RIMS1: variants seen among roughly 807,000 people sequenced by gnomAD.
The protein encoded by RIMS1 is regulating synaptic membrane exocytosis 1.
A neutral mutation model predicts 214.1 loss-of-function variants in RIMS1; 83 were observed. That is an observed-to-expected ratio of 0.39 (90% CI 0.32 to 0.47). The LOEUF (loss-of-function observed/expected upper bound fraction) is 0.47. RIMS1 is among the 20% of genes least tolerant of loss of function. The probability of loss-of-function intolerance (pLI) is 0.99; values close to 1 mark genes in which losing one functional copy is unlikely to be tolerated. For missense variants in RIMS1, 2,050 were observed against 2,161.8 expected (o/e 0.95, Z 1.03); for synonymous variants, 793 against 786.8 (o/e 1.01, Z -0.13).
intron 1 of RIMS1, among the ~76,000 whole-genome samples, chr6:71,939,213 A>G (rs1381820144): frequency 6.6e-6 from 1 of 152,220 alleles, no homozygotes; most frequent in Non-Finnish European, 1.5e-5. Context: ...GCGATGTCAT[A>G]AGAATGGCCT....
At chr6:72,168,193 G>T (rs2046534495) in intron 4 of RIMS1, among the ~76,000 whole-genome samples, 1 of 152,184 alleles carries the variant, frequency 6.6e-6, no homozygotes, top group Non-Finnish European at 1.5e-5. Flanking sequence ...GGTGTTAGCA[G>T]TGGCAAATCC....
chr6:71,999,958 T>C (rs891429536), intron 2 of RIMS1, among the ~76,000 whole-genome samples: 3 of 152,172 alleles, frequency 2.0e-5, no homozygotes, highest in South Asian at 2.1e-4. Context: ...ACACTTTAGA[T>C]TGAAATACTC....
intron 4 of RIMS1, among the ~76,000 whole-genome samples, chr6:72,177,472 G>A (rs912612901): frequency 1.3e-5 from 2 of 152,008 alleles, no homozygotes; most frequent in Non-Finnish European, 2.9e-5. Context: ...GACTGATCTC[G>A]AACTCCTGAC....
intron 4 of RIMS1, among the ~76,000 whole-genome samples, chr6:72,161,831 G>A (rs1372368362): frequency 7.1e-6 from 1 of 140,798 alleles, no homozygotes; most frequent in African/African-American, 2.5e-5. Flanking sequence ...TTTGGAATAA[G>A]TGTGATGTGG....
At chr6:72,075,215 A>G (rs897449354) in intron 2 of RIMS1, among the ~76,000 whole-genome samples, 1 of 152,126 alleles carries the variant, frequency 6.6e-6, no homozygotes, top group African/African-American at 2.4e-5. Flanking sequence ...CCAAGTAGCT[A>G]GGACCGCAGG....
intron 6 of RIMS1, among the ~76,000 whole-genome samples, chr6:72,204,696 A>G (rs1471740377): frequency 2.0e-5 from 3 of 152,220 alleles, no homozygotes; most frequent in African/African-American, 7.2e-5. Context: ...CTACATTTAT[A>G]TATTGTTTTA....
At chr6:72,092,242 A>C (rs946993571) in intron 2 of RIMS1, among the ~76,000 whole-genome samples, 2 of 149,190 alleles carry the variant, frequency 1.3e-5, no homozygotes, top group African/African-American at 4.9e-5. Context: ...AGGAGTGAGG[A>C]ATGCCCTCTC....
intron 6 of RIMS1, among the ~76,000 whole-genome samples, chr6:72,221,715 C>G (rs1210055763): frequency 6.6e-6 from 1 of 151,690 alleles, no homozygotes; most frequent in Admixed American, 6.6e-5. Flanking sequence ...TTATAGTATA[C>G]CTGTATATAA....
intron 29 of RIMS1, among the ~76,000 whole-genome samples, chr6:72,384,940 G>A (rs1055722818): frequency 2.6e-5 from 4 of 152,108 alleles, no homozygotes; most frequent in African/African-American, 9.7e-5. Context: ...CTCTAAATAA[G>A]CAAAGAGAGA....
intron 4 of RIMS1, among the ~76,000 whole-genome samples, chr6:72,120,324 T>C (rs1048219969): frequency 6.6e-6 from 1 of 151,892 alleles, no homozygotes; most frequent in Non-Finnish European, 1.5e-5. Context: ...TGTTGTTTCC[T>C]GACTTTTTAA....
At chr6:72,129,834 G>A (rs1259271763) in intron 4 of RIMS1, among the ~76,000 whole-genome samples, 2 of 151,978 alleles carry the variant, frequency 1.3e-5, no homozygotes, top group Non-Finnish European at 2.9e-5. Flanking sequence ...AAATGGTCTC[G>A]AGAAACATAC....
At position 71,965,482 on chromosome 6, in the gene RIMS1, A is replaced by G. The variant is rs1363499363; in HGVS notation, c.165-3501A>G. On this transcript the variant is annotated intron_variant, in intron 1 of 33. Transcript: ENST00000521978. The stretch of plus-strand genomic sequence containing the variant: ...GAGATGAAAGCCTTGCCATAGCTTC[A>G]TCTGCAGGCTTGTGGCAATGTTAGT... Among the ~76,000 whole-genome samples, 6 of 152,232 alleles carry G rather than the reference A, an allele frequency of 3.9e-5. No homozygotes were observed. The East Asian group carries it at 1.2e-3, about 29-fold the overall frequency.
chr6:72,390,714 A>C lies in RIMS1; in HGVS notation c.4483A>C (p.Asn1495His). The C allele has an allele frequency of 6.2e-7, 1 of 1,613,936 alleles. No homozygotes were observed. The highest frequency in any genetic ancestry group is 8.5e-7 in the Non-Finnish European group (1 of 1,179,802). ...PSRESTDGSI[N>H]SYSSEGNLIF... ...CCGAGAGTCTACTGATGGCAGCATC[A>C]ACAGTTACAGCTCTGAGGGCAAGTA... is the stretch of plus-strand genomic sequence containing the variant. Residue 1495 changes from asparagine (N) to histidine (H), a missense_variant, in exon 30 of 34, where the codon AAC becomes CAC. By Grantham distance (68) the Asn-to-His change is moderately conservative (BLOSUM62 1). This residue lies in a region of RIMS1 where 121 missense variants were observed against 187.3 expected (regional missense o/e 0.65). Transcript: ENST00000521978.
At chr6:72,009,378 A>G (rs1395093617) in intron 2 of RIMS1, among the ~76,000 whole-genome samples, 1 of 152,258 alleles carries the variant, frequency 6.6e-6, no homozygotes, top group East Asian at 1.9e-4. Context: ...AGCAGGAAAG[A>G]TCTAAAATTG....
chr6:72,119,048 A>G (rs548193727), intron 4 of RIMS1, among the ~76,000 whole-genome samples: 12 of 151,940 alleles, frequency 7.9e-5, no homozygotes, highest in South Asian at 2.1e-4. Context: ...CTGTTCGCCA[A>G]TGATATGATT....
intron 29 of RIMS1, among the ~76,000 whole-genome samples, chr6:72,370,383 C>A (rs1329141430): frequency 6.6e-6 from 1 of 152,146 alleles, no homozygotes; most frequent in African/African-American, 2.4e-5. Flanking sequence ...GGGACCTTTG[C>A]CCCCACAGTC....
At chr6:72,121,110 T>A (rs1044028260) in intron 4 of RIMS1, among the ~76,000 whole-genome samples, 1 of 151,860 alleles carries the variant, frequency 6.6e-6, no homozygotes, top group African/African-American at 2.4e-5. Flanking sequence ...TTGTTCTTTT[T>A]ACTTAGGATT....
At chr6:72,344,250 C>T (rs2154360508) in intron 29 of RIMS1, among the ~76,000 whole-genome samples, 1 of 151,842 alleles carries the variant, frequency 6.6e-6, no homozygotes, top group Admixed American at 6.6e-5. Flanking sequence ...CTCCTTCTAA[C>T]CAATACAGTT....
At chr6:71,935,090 C>T (rs1784083192) in intron 1 of RIMS1, among the ~76,000 whole-genome samples, 2 of 152,210 alleles carry the variant, frequency 1.3e-5, no homozygotes, top group African/African-American at 4.8e-5. Context: ...AAAGCATCAT[C>T]CTAAGGTAGC....
Sources: allele counts gnomAD v4.1 joint callset (sites outside exome capture counted in the v4.1 genomes callset), GRCh38; gene constraint gnomAD v4.1.1; regional missense constraint gnomAD v4.1.1; transcripts MANE v1.5; gene names NCBI Gene and HGNC (gene_info 2026-07-23, HGNC 2026-07-21).